AHRR: variants seen among roughly 807,000 people sequenced by gnomAD.
AHRR encodes aryl hydrocarbon receptor repressor.
AHRR carries 28 observed loss-of-function variants against 44.0 expected under a neutral mutation model. The ratio of observed to expected loss-of-function variants is 0.64; its 90% confidence interval spans 0.47 to 0.87. The LOEUF (loss-of-function observed/expected upper bound fraction) is 0.87, where lower values mean the gene tolerates loss of function less well. Ranked by LOEUF, AHRR falls within the 40% of genes least tolerant of loss-of-function variation. AHRR has a pLI of 0.00. For missense variants in AHRR, 990 were observed against 953.9 expected, an observed-to-expected ratio of 1.04 and a Z score of -0.50; for synonymous variants, 434 against 407.0, an observed-to-expected ratio of 1.07 and a Z score of -0.80.
chr5:438,207 T>A lies in AHRR; in HGVS notation c.*3373T>A, dbSNP rs1049646440. On this transcript the variant is annotated 3_prime_UTR_variant, in exon 11 of 11. Transcript: ENST00000684583. ...TCAGTGCCTTTAGGAAGCTTTCAAA[T>A]TTTTTTGTACTGTGGTTTGTATTAA... is the stretch of plus-strand genomic sequence containing the variant. 1 of 152,486 alleles carries A rather than the reference T, an allele frequency of 6.6e-6. No homozygotes were observed. The highest frequency in any genetic ancestry group is 1.5e-5 in the Non-Finnish European group (1 of 68,032). The allele number at this position is 152,486 out of a possible 1,614,324, so 9.4% of individuals were successfully genotyped here.
intron 7 of AHRR, among the ~76,000 whole-genome samples, chr5:426,434 GGACA>G (rs1257893031): frequency 6.0e-5 from 9 of 150,688 alleles, no homozygotes; most frequent in South Asian, 2.1e-4. Flanking sequence ...GAAGATGGAT[GGACA>G]GATGGAAAGA....
At chr5:417,439 G>A (rs1735879101) in intron 5 of AHRR, among the ~76,000 whole-genome samples, 1 of 152,154 alleles carries the variant, frequency 6.6e-6, no homozygotes, top group East Asian at 1.9e-4. Flanking sequence ...GTCTGGAGAA[G>A]GTGGCTTGGT....
chr5:420,618 C>T (rs1040173740), intron 5 of AHRR, among the ~76,000 whole-genome samples: 22 of 152,206 alleles, frequency 1.4e-4, no homozygotes, highest in Admixed American at 9.2e-4. Flanking sequence ...AAACATTTCT[C>T]AGGACAAAAG....
intron 5 of AHRR, 150 bp downstream of exon 5, chr5:413,583 C>T: frequency 3.1e-6 from 2 of 645,902 alleles, no homozygotes; most frequent in East Asian, 2.8e-5. Context: ...CACACCCCAG[C>T]TTTGTCTAGG....
At chr5:380,552 G>A (rs932373047) in intron 4 of AHRR, among the ~76,000 whole-genome samples, 9 of 152,182 alleles carry the variant, frequency 5.9e-5, no homozygotes, top group Non-Finnish European at 1.2e-4. Flanking sequence ...ATTTATGTTA[G>A]ATTCATGTTT....
At position 415,544 on chromosome 5, in the gene AHRR, G is replaced by T. The variant is rs535238676; in HGVS notation, c.441+2111G>T. 5.2e-4 allele frequency among the ~76,000 whole-genome samples: 75 copies of T among 143,000 alleles called. 2 individuals carry two copies. The highest frequency in any genetic ancestry group is 2.1e-3 in the African/African-American group (74 of 35,130). The allele number at this position is 143,000 out of a possible 152,430, so 93.8% of individuals were successfully genotyped here. A position where few individuals can be genotyped will look rare whatever the true frequency, so the allele number is the denominator to read the frequency against. Reference sequence around the variant, plus strand: ...CCTAGGGGCCGAGTCTGCCTGGTCGGGTGGGAGGCCTAGGGGCCGAATCTG... The same window carrying T: ...CCTAGGGGCCGAGTCTGCCTGGTCGTGTGGGAGGCCTAGGGGCCGAATCTG... On this transcript the variant is annotated intron_variant, in intron 5 of 10. Transcript: ENST00000684583.
At chr5:412,869 C>T (rs968056437) in intron 4 of AHRR, among the ~76,000 whole-genome samples, 6 of 152,038 alleles carry the variant, frequency 3.9e-5, no homozygotes, top group African/African-American at 1.5e-4. Flanking sequence ...TACAGTCGCA[C>T]ACCACCACAC....
At chr5:328,255 A>ATTTTTTTTT (rs70955232) in intron 1 of AHRR, among the ~76,000 whole-genome samples, 12 of 54,284 alleles carry the variant, frequency 2.2e-4, no homozygotes, top group African/African-American at 4.2e-4. Context: ...CCAACATCTG[A>ATTTTTTTTT]TTTTTTTTTT....
At chr5:417,514 C>G (rs1735882898) in intron 5 of AHRR, among the ~76,000 whole-genome samples, 1 of 152,230 alleles carries the variant, frequency 6.6e-6, no homozygotes, top group Admixed American at 6.5e-5. Flanking sequence ...CTCAGAATCA[C>G]TGTCAACTCT....
intron 3 of AHRR, among the ~76,000 whole-genome samples, chr5:373,030 C>T (rs780305043): frequency 2.6e-5 from 4 of 152,232 alleles, no homozygotes; most frequent in Non-Finnish European, 4.4e-5. Flanking sequence ...ACTTCACATT[C>T]TCGCTGTTCC....
At chr5:369,057 T>C (rs911827494) in intron 3 of AHRR, among the ~76,000 whole-genome samples, 2 of 152,192 alleles carry the variant, frequency 1.3e-5, no homozygotes, top group Non-Finnish European at 2.9e-5. Flanking sequence ...TTTGGGACTT[T>C]GAAGGACATT....
At chr5:424,066 G>C (rs1736264148) in intron 7 of AHRR, 89 bp downstream of exon 7, 5 of 1,522,964 alleles carry the variant, frequency 3.3e-6, no homozygotes, top group Admixed American at 1.9e-5. Flanking sequence ...AAGAGGGGGT[G>C]GGGGCGTTAA....
chr5:434,296 C>CG lies in AHRR; in HGVS notation c.1561dup (p.Asp521GlyfsTer22). The CG allele has an allele frequency of 1.9e-6, 3 of 1,609,052 alleles. No homozygotes were observed. Among genetic ancestry groups the CG allele is most frequent in the Non-Finnish European group, 2.5e-6 (3 of 1,177,584 alleles). On this transcript the variant is annotated frameshift_variant, in exon 11 of 11. Transcript: ENST00000684583. ...AAGCTGCAAGGTGTACCGATGCCTC[C>CG]GGGGGACCTGTGTGGTCCGACGCTG...
chr5:339,568 A>G (rs1003167583), intron 1 of AHRR, among the ~76,000 whole-genome samples: 2 of 151,894 alleles, frequency 1.3e-5, no homozygotes, highest in Non-Finnish European at 2.9e-5. Context: ...CTAGTACACA[A>G]ATAATTTTAG....
intron 2 of AHRR, among the ~76,000 whole-genome samples, chr5:350,262 C>T (rs1157144011): frequency 1.3e-5 from 2 of 152,136 alleles, no homozygotes; most frequent in Admixed American, 6.5e-5. Flanking sequence ...TATCTTCCTG[C>T]GTATTTGGTC....
At chr5:429,110 T>C (rs1331453365) in intron 8 of AHRR, among the ~76,000 whole-genome samples, 1 of 152,224 alleles carries the variant, frequency 6.6e-6, no homozygotes, top group Non-Finnish European at 1.5e-5. Context: ...ATGTGTTAAG[T>C]CTGCCTTGCG....
At position 404,337 on chromosome 5, in the gene AHRR, C is replaced by CT. The variant is rs3840994; in HGVS notation, c.352-8997dup. Reference sequence around the variant, plus strand: ...CAGTGTTACTAAAAGCTGTTTCACTCTTTTTTTTTTCTTTTTTCCTTCATT... The same window carrying CT: ...CAGTGTTACTAAAAGCTGTTTCACTCTTTTTTTTTTTCTTTTTTCCTTCATT... On this transcript the variant is annotated intron_variant, in intron 4 of 10. Coordinates refer to ENST00000684583, the MANE Select transcript of AHRR (RefSeq NM_001377236.1). This position sits in a 1 kb window ranked among gnomAD's most constrained non-coding sequence, Gnocchi z 4.1. 2.9e-3 allele frequency: 1,333 copies of CT among 456,388 alleles called. 2 individuals are homozygous for CT. Among genetic ancestry groups the CT allele is most frequent in the Non-Finnish European group, 3.6e-3 (818 of 228,590 alleles). The allele number at this position is 456,388 out of a possible 1,614,324, so 28.3% of individuals were successfully genotyped here.
intron 4 of AHRR, among the ~76,000 whole-genome samples, chr5:401,364 C>T (rs938212045): frequency 1.3e-5 from 2 of 152,190 alleles, no homozygotes; most frequent in African/African-American, 4.8e-5. Flanking sequence ...CCACAGGTGC[C>T]GGCTCTGGGC....
At position 346,058 on chromosome 5, in the gene AHRR, T is replaced by C. The variant is rs556646004; in HGVS notation, c.62+2094T>C. ...AGCGGTGAGCACATGCGCAAAACCA[T>C]GCCTGGGGCCAGGCACACAGCCGAG... On this transcript the variant is annotated intron_variant, in intron 2 of 10. Coordinates refer to ENST00000684583, the MANE Select transcript of AHRR (RefSeq NM_001377236.1). 2.6e-5 allele frequency among the ~76,000 whole-genome samples: 4 copies of C among 152,238 alleles called. No homozygotes were observed. The South Asian group carries it at 8.3e-4, about 32-fold the overall frequency.
Sources: gnomAD v4.1 joint callset for allele counts (sites outside exome capture counted in the v4.1 genomes callset) on GRCh38, gnomAD v4.1.1 for gene constraint, Gnocchi (gnomAD v3.1) non-coding constraint, MANE v1.5 for transcripts, NCBI Gene and HGNC (gene_info 2026-07-23, HGNC 2026-07-21) for gene names.